Variants in ASTN1 observed in about 807,000 individuals in gnomAD.
ASTN1 encodes astrotactin-1.
Under a neutral mutation model 140.7 loss-of-function variants are expected in ASTN1, and 41 were observed. That is an observed-to-expected ratio of 0.29 (90% CI 0.23 to 0.38). The LOEUF (loss-of-function observed/expected upper bound fraction) is 0.38. Among genes scored for constraint, ASTN1 ranks in the 10% least tolerant of loss-of-function variants. The probability of loss-of-function intolerance (pLI) is 1.00; values close to 1 mark genes in which losing one functional copy is unlikely to be tolerated. For missense variants in ASTN1, 1,479 were observed against 1,678.8 expected (o/e 0.88, Z 2.08); for synonymous variants, 640 against 652.2 (o/e 0.98, Z 0.29).
At chr1:177,076,292 A>AAAAG (rs1214512637) in intron 1 of ASTN1, among the ~76,000 whole-genome samples, 83 of 149,750 alleles carry the variant, frequency 5.5e-4, no homozygotes, top group African/African-American at 1.3e-3. Context: ...AAAAAAAAAA[A>AAAAG]AAAGAAAGAA....
chr1:177,004,780 A>G (rs1674911790), intron 8 of ASTN1, among the ~76,000 whole-genome samples: 1 of 152,192 alleles, frequency 6.6e-6, no homozygotes, highest in South Asian at 2.1e-4. Flanking sequence ...CCACATGCAG[A>G]GGAATTAAAC....
chr1:177,032,502 G>A lies in ASTN1; in HGVS notation c.819C>T (p.Asp273=). ...ACTTTTCATTGCAGCCCTGCAGGGA[G>A]TCGAGGGTGCGCGTGACCTGGCTGG... ...DFASQVTRTL[D]SLQGCNEKSG... is the part of the protein sequence containing the mutation. The change falls in exon 3 of 23, where the codon GAC becomes GAT. Residue 273 remains aspartate, a synonymous_variant. Coordinates refer to ENST00000361833, the MANE Select transcript of ASTN1 (RefSeq NM_004319.3). 2.2e-5 allele frequency: 35 copies of A among 1,614,150 alleles called. No individual in the cohort carries two copies. Among genetic ancestry groups the A allele is most frequent in the Non-Finnish European group, 2.9e-5 (34 of 1,180,030 alleles).
At chr1:176,954,166 A>C (rs1672308109) in intron 11 of ASTN1, among the ~76,000 whole-genome samples, 1 of 152,116 alleles carries the variant, frequency 6.6e-6, no homozygotes, top group Non-Finnish European at 1.5e-5. Flanking sequence ...TGAAGATATC[A>C]CCTCACATGG....
rs767163031 is a variant in ASTN1, at chr1:177,011,863, G to A, written c.1523+2928C>T. Among the ~76,000 whole-genome samples, 6 of 152,174 alleles carry A rather than the reference G, an allele frequency of 3.9e-5. No individual in the cohort carries two copies. The East Asian group carries it at 9.7e-4, about 25-fold the overall frequency. On this transcript the variant is annotated intron_variant, in intron 8 of 22. Coordinates refer to ENST00000361833, the MANE Select transcript of ASTN1 (RefSeq NM_004319.3). ...TCAATTTGTAACTTCTTATATTAGTGTCCTTGATCAATTTTCTTCCTTGTC... is the reference window on the plus strand; with the variant it reads ...TCAATTTGTAACTTCTTATATTAGTATCCTTGATCAATTTTCTTCCTTGTC...
chr1:177,022,504 T>A (rs769312266), intron 7 of ASTN1, among the ~76,000 whole-genome samples: 3 of 152,200 alleles, frequency 2.0e-5, no homozygotes, highest in Non-Finnish European at 4.4e-5. Flanking sequence ...AGATCCATGC[T>A]CCTGGCTTTG....
At chr1:176,921,545 A>T (rs1342229655) in intron 16 of ASTN1, among the ~76,000 whole-genome samples, 2 of 152,260 alleles carry the variant, frequency 1.3e-5, no homozygotes, top group Non-Finnish European at 2.9e-5. Flanking sequence ...TAAAAGAAAG[A>T]CTATTGTTGA....
intron 1 of ASTN1, among the ~76,000 whole-genome samples, chr1:177,107,606 G>T (rs1163073836): frequency 1.3e-5 from 2 of 152,148 alleles, no homozygotes; most frequent in African/African-American, 4.8e-5. Context: ...CCTGTGGGCT[G>T]GCCTTGAGCT....
chr1:176,940,306 G>A (rs978610644), intron 14 of ASTN1, among the ~76,000 whole-genome samples: 2 of 152,162 alleles, frequency 1.3e-5, no homozygotes, highest in African/African-American at 4.8e-5. Context: ...CTTATAGGAA[G>A]TCAGACCACT....
At chr1:176,923,973 C>T (rs1018759732) in intron 16 of ASTN1, among the ~76,000 whole-genome samples, 4 of 152,082 alleles carry the variant, frequency 2.6e-5, no homozygotes, top group East Asian at 1.9e-4. Context: ...GAGCCTATAA[C>T]TTAATCAAGA....
chr1:177,022,239 G>A (rs1675867430), intron 7 of ASTN1, among the ~76,000 whole-genome samples: 2 of 152,136 alleles, frequency 1.3e-5, no homozygotes, highest in African/African-American at 4.8e-5. Context: ...CGAGTGTGGT[G>A]GGCTGGGGTA....
intron 1 of ASTN1, among the ~76,000 whole-genome samples, chr1:177,160,150 T>C (rs1647273012): frequency 6.6e-6 from 1 of 152,168 alleles, no homozygotes; most frequent in Admixed American, 6.5e-5. Context: ...GCATGTAAAA[T>C]AGTAGCTCAG....
chr1:177,082,048 G>C (rs950871445), intron 1 of ASTN1, among the ~76,000 whole-genome samples: 7 of 152,146 alleles, frequency 4.6e-5, no homozygotes, highest in African/African-American at 1.7e-4. Flanking sequence ...GGCTGAGGGA[G>C]CAGAGGTCTG....
intron 1 of ASTN1, among the ~76,000 whole-genome samples, chr1:177,138,416 GA>G (rs1404789800): frequency 6.6e-6 from 1 of 152,176 alleles, no homozygotes; most frequent in Non-Finnish European, 1.5e-5. Context: ...AATTACATCG[GA>G]TACTTCCGTT....
chr1:177,098,932 A>C (rs1680174076), intron 1 of ASTN1, among the ~76,000 whole-genome samples: 1 of 152,204 alleles, frequency 6.6e-6, no homozygotes, highest in African/African-American at 2.4e-5. Context: ...TCTTCTATTA[A>C]TGTGAAATGA....
At chr1:176,924,298 GT>G (rs1670860975) in intron 16 of ASTN1, among the ~76,000 whole-genome samples, 1 of 152,106 alleles carries the variant, frequency 6.6e-6, no homozygotes, top group Admixed American at 6.5e-5. Context: ...AATTGTCAGG[GT>G]TTTGTGTTTG....
intron 22 of ASTN1, among the ~76,000 whole-genome samples, chr1:176,865,998 C>T (rs539833788): frequency 5.3e-5 from 8 of 152,316 alleles, no homozygotes; most frequent in African/African-American, 1.7e-4. Context: ...GTCCCTCCCA[C>T]AACACATGAG....
chr1:176,880,414 C>T (rs896432582), intron 20 of ASTN1, among the ~76,000 whole-genome samples: 1 of 152,242 alleles, frequency 6.6e-6, no homozygotes, highest in East Asian at 1.9e-4. Flanking sequence ...TGTCACACGT[C>T]CGGAAAGAGA....
chr1:177,123,849 C>T (rs1335281047), intron 1 of ASTN1, among the ~76,000 whole-genome samples: 1 of 152,146 alleles, frequency 6.6e-6, no homozygotes, highest in Non-Finnish European at 1.5e-5. Flanking sequence ...GTGAGCTAAC[C>T]CCAGGCAGGA....
rs373201552 is a variant in ASTN1 at position 177,024,710 on chromosome 1, C to T, written c.1143G>A (p.Val381=). The change falls in exon 6 of 23, where the codon GTG becomes GTA. Residue 381 remains valine, a synonymous_variant. Coordinates refer to ENST00000361833, the MANE Select transcript of ASTN1 (RefSeq NM_004319.3). ...RSRVGSPRSP[V]NKTTLTLISI... ...TGATCAGGGTCAAGGTGGTCTTATT[C>T]ACAGGACTTCGGGGAGAACCCACTG... The T allele has an allele frequency of 1.9e-6, 3 of 1,613,866 alleles. No individual in the cohort carries two copies. In the African/African-American group the frequency reaches 4.0e-5, roughly 22 times the overall value.
Sources: gnomAD v4.1 joint callset for allele counts (sites outside exome capture counted in the v4.1 genomes callset) on GRCh38, gnomAD v4.1.1 for gene constraint, MANE v1.5 for transcripts, NCBI Gene and HGNC (gene_info 2026-07-23, HGNC 2026-07-21) for gene names.